The following FOXP2 variants were observed in gnomAD, a reference collection of about 807,000 sequenced individuals.
FOXP2 encodes forkhead box protein P2.
Under a neutral mutation model 115.8 loss-of-function variants are expected in FOXP2, and 12 were observed. The observed-to-expected ratio is 0.10, with a 90% CI of 0.07 to 0.17. The LOEUF (loss-of-function observed/expected upper bound fraction) is 0.17. Ranked by LOEUF, FOXP2 falls within the 10% of genes least tolerant of loss-of-function variation. FOXP2 has a pLI of 1.00. For synonymous variants in FOXP2, 328 were observed against 297.7 expected, an observed-to-expected ratio of 1.10 and a Z score of -1.05; for missense variants, 629 against 843.5, an observed-to-expected ratio of 0.75 and a Z score of 3.15.
intron 2 of FOXP2, among the ~76,000 whole-genome samples, chr7:114,442,844 C>A (rs1584741314): frequency 6.6e-6 from 1 of 152,154 alleles, no homozygotes; most frequent in East Asian, 1.9e-4. Context: ...AAAATGGTGA[C>A]ATAATTCCAT....
chr7:114,535,346 G>A (rs1799329902), intron 3 of FOXP2, among the ~76,000 whole-genome samples: 3 of 151,186 alleles, frequency 2.0e-5, no homozygotes, highest in East Asian at 1.9e-4. Context: ...TGGTGGGGGG[G>A]GAAACATTTT....
At chr7:114,122,908 T>C (rs996907615) in intron 1 of FOXP2, among the ~76,000 whole-genome samples, 33 of 152,094 alleles carry the variant, frequency 2.2e-4, no homozygotes, top group African/African-American at 8.0e-4. Flanking sequence ...AACAACATTG[T>C]GTTTAACTTT....
intron 2 of FOXP2, among the ~76,000 whole-genome samples, chr7:114,382,229 C>T (rs555598791): frequency 5.3e-5 from 8 of 152,238 alleles, no homozygotes; most frequent in East Asian, 3.9e-4. Context: ...GAGAAGGCCG[C>T]GCCAGTGTCC....
chr7:114,225,709 G>A (rs150879877), intron 1 of FOXP2, among the ~76,000 whole-genome samples: 19 of 152,058 alleles, frequency 1.2e-4, no homozygotes, highest in African/African-American at 3.9e-4. Context: ...TGTCTTGGCC[G>A]CCCAAAGTGC....
intron 1 of FOXP2, among the ~76,000 whole-genome samples, chr7:114,282,167 T>C (rs879513680): frequency 5.9e-5 from 9 of 152,206 alleles, no homozygotes; most frequent in Non-Finnish European, 1.3e-4. Context: ...GTAGATTAGC[T>C]ATAATTAGTA....
intron 1 of FOXP2, among the ~76,000 whole-genome samples, chr7:114,287,029 T>A (rs1488654907): frequency 1.3e-5 from 2 of 152,046 alleles, no homozygotes; most frequent in African/African-American, 4.8e-5. Context: ...CAGACATTGC[T>A]AATTGAACAC....
chr7:114,577,186 ATAAC>A (rs1801617436), intron 3 of FOXP2, among the ~76,000 whole-genome samples: 1 of 151,974 alleles, frequency 6.6e-6, no homozygotes, highest in African/African-American at 2.4e-5. Flanking sequence ...ATATTTCTAA[ATAAC>A]AGGATTTTTA....
At chr7:114,642,801 TATATATATATA>T (rs370756029) in intron 7 of FOXP2, among the ~76,000 whole-genome samples, 178 bp downstream of exon 7, 962 of 68,036 alleles carry the variant, frequency 0.014, 36 homozygotes, top group African/African-American at 0.053. Flanking sequence ...TATATATATA[TATATATATATA>T]TTTTTTTTTT....
intron 2 of FOXP2, among the ~76,000 whole-genome samples, chr7:114,471,919 T>C (rs953057770): frequency 1.3e-5 from 2 of 150,130 alleles, no homozygotes; most frequent in Admixed American, 1.3e-4. Context: ...GAGATTGCAC[T>C]GCTGCACTCC....
intron 2 of FOXP2, among the ~76,000 whole-genome samples, chr7:114,443,796 C>T (rs752140137): frequency 7.9e-5 from 12 of 152,086 alleles, no homozygotes; most frequent in Non-Finnish European, 1.5e-4. Context: ...TGTGTATGTA[C>T]CACATTTTCT....
chr7:114,654,057 C>T, intron 10 of FOXP2, 48 bp downstream of exon 10: 1 of 1,612,134 alleles, frequency 6.2e-7, no homozygotes, highest in Non-Finnish European at 8.5e-7. Flanking sequence ...ACCAATGTAA[C>T]AGACTAAGAA....
At chr7:114,594,974 T>A (rs1008496713) in intron 3 of FOXP2, among the ~76,000 whole-genome samples, 6 of 152,054 alleles carry the variant, frequency 3.9e-5, no homozygotes, top group African/African-American at 1.2e-4. Context: ...CATATACCTT[T>A]AATTAACAAC....
At chr7:114,308,847 G>A (rs775210040) in intron 2 of FOXP2, among the ~76,000 whole-genome samples, 1 of 152,206 alleles carries the variant, frequency 6.6e-6, no homozygotes, top group Non-Finnish European at 1.5e-5. Context: ...GACTGAAACG[G>A]TGCCATTGTA....
chr7:114,528,015 A>G (rs182667767), intron 2 of FOXP2, among the ~76,000 whole-genome samples: 161 of 152,072 alleles, frequency 1.1e-3, no homozygotes, highest in African/African-American at 3.7e-3. Flanking sequence ...GGCCAGGCTT[A>G]TTTTATTGCC....
intron 1 of FOXP2, among the ~76,000 whole-genome samples, chr7:114,202,254 C>T (rs1794086704): frequency 6.6e-6 from 1 of 152,122 alleles, no homozygotes; most frequent in South Asian, 2.1e-4. Flanking sequence ...TTGCCTTCTC[C>T]TCATTTCTCC....
intron 2 of FOXP2, among the ~76,000 whole-genome samples, chr7:114,296,535 G>T (rs556944926): frequency 2.6e-5 from 4 of 151,906 alleles, no homozygotes; most frequent in Non-Finnish European, 4.4e-5. Flanking sequence ...TTTAGTCAAA[G>T]AATAATTACA....
rs189586407 is a variant in FOXP2, at chr7:114,506,187, T to A, written c.169-28430T>A. On this transcript the variant is annotated intron_variant, in intron 2 of 16. Coordinates refer to ENST00000350908, the MANE Select transcript of FOXP2 (RefSeq NM_014491.4). ...ATTGTTTATTCATACTAAGGAGACATGAACAATGACACTGAGCAATTTACC... is the reference window on the plus strand; with the variant it reads ...ATTGTTTATTCATACTAAGGAGACAAGAACAATGACACTGAGCAATTTACC... Among the ~76,000 whole-genome samples the A allele has an allele frequency of 1.4e-3, 208 of 151,826 alleles. 1 individual carries two copies. The highest frequency in any genetic ancestry group is 4.1e-3 in the Admixed American group (62 of 15,204).
At chr7:114,430,720 G>C (rs1794067597) in intron 2 of FOXP2, among the ~76,000 whole-genome samples, 1 of 151,760 alleles carries the variant, frequency 6.6e-6, no homozygotes, top group Admixed American at 6.6e-5. Flanking sequence ...GTACTATTTT[G>C]AACCAGCTGT....
chr7:114,581,920 A>G (rs1438882050), intron 3 of FOXP2, among the ~76,000 whole-genome samples: 1 of 152,218 alleles, frequency 6.6e-6, no homozygotes, highest in African/African-American at 2.4e-5. Flanking sequence ...TTTCAATAGA[A>G]TATACCATAG....
Sources: gnomAD v4.1 joint callset for allele counts (sites outside exome capture counted in the v4.1 genomes callset) on GRCh38, gnomAD v4.1.1 for gene constraint, MANE v1.5 for transcripts, NCBI Gene and HGNC (gene_info 2026-07-23, HGNC 2026-07-21) for gene names.